NME7: variants seen among roughly 807,000 people sequenced by gnomAD.
NME7 encodes nucleoside diphosphate kinase 7.
A neutral mutation model predicts 49.1 loss-of-function variants in NME7; 41 were observed. The ratio of observed to expected loss-of-function variants is 0.83; its 90% CI spans 0.65 to 1.08. NME7 has a LOEUF of 1.08. Among genes scored for constraint, NME7 ranks in the 50% least tolerant of loss-of-function variants. NME7 has a pLI of 0.00. For missense variants in NME7, 423 were observed against 463.4 expected (o/e 0.91, Z 0.80); for synonymous variants, 139 against 150.6 (o/e 0.92, Z 0.56).
At chr1:169,344,330 G>A (rs1652882571) in intron 1 of NME7, among the ~76,000 whole-genome samples, 1 of 152,166 alleles carries the variant, frequency 6.6e-6, no homozygotes, top group South Asian at 2.1e-4. Context: ...CACATCCTCT[G>A]TGAATAAAGG....
intron 10 of NME7, among the ~76,000 whole-genome samples, chr1:169,182,736 T>C (rs1313249970): frequency 6.6e-6 from 1 of 152,190 alleles, no homozygotes; most frequent in Non-Finnish European, 1.5e-5. Flanking sequence ...TCATGAAAGA[T>C]TCATTGAATA....
intron 6 of NME7, among the ~76,000 whole-genome samples, chr1:169,288,711 C>A (rs939523946): frequency 1.3e-5 from 2 of 152,118 alleles, no homozygotes; most frequent in Non-Finnish European, 2.9e-5. Flanking sequence ...GTGTTCTATT[C>A]CTAAGATACC....
At chr1:169,230,847 A>G in intron 9 of NME7, 28 bp from the exon 10 acceptor site, 2 of 1,459,256 alleles carry the variant, frequency 1.4e-6, no homozygotes, top group Non-Finnish European at 1.9e-6. Context: ...AAAGAATGAA[A>G]AGAATTTAAC....
chr1:169,216,115 G>A (rs1660966513), intron 10 of NME7, among the ~76,000 whole-genome samples: 1 of 152,194 alleles, frequency 6.6e-6, no homozygotes, highest in Admixed American at 6.5e-5. Context: ...AAACACATTT[G>A]GTCTTAGTCC....
intron 11 of NME7, among the ~76,000 whole-genome samples, chr1:169,150,905 C>T (rs79652354): frequency 0.018 from 2,673 of 152,294 alleles, 70 homozygotes; most frequent in African/African-American, 0.057. Flanking sequence ...GCCTTTTCCC[C>T]GCTATGTTCC....
intron 11 of NME7, among the ~76,000 whole-genome samples, chr1:169,141,330 A>G (rs1557959223): frequency 6.6e-6 from 1 of 152,186 alleles, no homozygotes; most frequent in Non-Finnish European, 1.5e-5. Flanking sequence ...TGTGCCAAGG[A>G]GACAGGTAGG....
At chr1:169,169,301 C>T (rs1012006667) in intron 11 of NME7, 146 bp downstream of exon 11, 1 of 637,674 alleles carries the variant, frequency 1.6e-6, no homozygotes, top group Non-Finnish European at 2.7e-6. Flanking sequence ...CACGTGTATA[C>T]CTATGTAACA....
chr1:169,183,748 G>C (rs1571272318), intron 10 of NME7, among the ~76,000 whole-genome samples: 1 of 152,002 alleles, frequency 6.6e-6, no homozygotes, highest in Non-Finnish European at 1.5e-5. Flanking sequence ...CTTGCAGTGA[G>C]CCGAGATCAC....
At chr1:169,215,994 A>T (rs1291318816) in intron 10 of NME7, among the ~76,000 whole-genome samples, 1 of 152,216 alleles carries the variant, frequency 6.6e-6, no homozygotes, top group African/African-American at 2.4e-5. Context: ...ACTTTCAGGT[A>T]TAAGATAAAA....
intron 4 of NME7, among the ~76,000 whole-genome samples, chr1:169,305,587 A>T (rs1376492234): frequency 6.6e-6 from 1 of 152,164 alleles, no homozygotes; most frequent in East Asian, 1.9e-4. Context: ...GTTTCTCAGG[A>T]TTGTGTTTGC....
At chr1:169,366,201 GT>G (rs1653845333) in intron 1 of NME7, among the ~76,000 whole-genome samples, 1 of 152,204 alleles carries the variant, frequency 6.6e-6, no homozygotes, top group Non-Finnish European at 1.5e-5. Flanking sequence ...GGCACAGCCA[GT>G]AAAAGGAATT....
chr1:169,234,286 T>C (rs955914628), intron 9 of NME7, among the ~76,000 whole-genome samples: 3 of 152,154 alleles, frequency 2.0e-5, no homozygotes, highest in African/African-American at 7.2e-5. Flanking sequence ...GAGCATAAGC[T>C]CCATAAATGC....
chr1:169,315,421 G>C (rs531316492), intron 3 of NME7, among the ~76,000 whole-genome samples: 1 of 151,606 alleles, frequency 6.6e-6, no homozygotes, highest in Non-Finnish European at 1.5e-5. Flanking sequence ...ACGCCTCCAC[G>C]GCCGGCTAAT....
chr1:169,281,966 A>G (rs999006490), intron 7 of NME7, among the ~76,000 whole-genome samples: 1 of 152,048 alleles, frequency 6.6e-6, no homozygotes, highest in Admixed American at 6.5e-5. Context: ...GCCTCATTTT[A>G]TGAGTTAGGA....
At position 169,139,871 on chromosome 1, in the gene NME7, C is replaced by T. The variant is rs557575426; in HGVS notation, c.1099-7054G>A. Among the ~76,000 whole-genome samples, 10 of 152,254 alleles carry T rather than the reference C, an allele frequency of 6.6e-5. 1 individual carries two copies. The South Asian group carries it at 2.1e-3, about 32-fold the overall frequency. ...CTAAGATAGTAAACAGACGTGAGAA[C>T]CAAATGCAATATGTGATCCCTGACT... On this transcript the variant is annotated intron_variant, in intron 11 of 11. Coordinates refer to ENST00000367811, the MANE Select transcript of NME7 (RefSeq NM_013330.5).
chr1:169,367,679 C>A, intron 1 of NME7, 29 bp downstream of exon 1: 1 of 1,614,052 alleles, frequency 6.2e-7, no homozygotes, highest in Non-Finnish European at 8.5e-7. Flanking sequence ...GACCCCAGAG[C>A]CGTTCTTCTG....
At chr1:169,291,082 C>T (rs901353496) in intron 6 of NME7, among the ~76,000 whole-genome samples, 4 of 152,120 alleles carry the variant, frequency 2.6e-5, no homozygotes, top group Admixed American at 2.6e-4. Context: ...TTAGTTCAAC[C>T]TTTGTGGAAG....
intron 11 of NME7, among the ~76,000 whole-genome samples, chr1:169,134,493 A>AT (rs1658362327): frequency 6.6e-6 from 1 of 152,202 alleles, no homozygotes; most frequent in Non-Finnish European, 1.5e-5. Flanking sequence ...ACTACTTGGA[A>AT]TGAAAAGCAT....
In NME7 at chr1:169,284,040, G is replaced by A. The variant is rs548206429; in HGVS notation, c.754+3263C>T. 8 of 152,244 alleles carry A rather than the reference G, an allele frequency of 5.3e-5. No homozygotes were observed. In the East Asian group the frequency reaches 1.5e-3, roughly 29 times the overall value. 9.4% of individuals were successfully genotyped at this position (152,244 alleles called of 1,614,324 possible). A position where few individuals can be genotyped will look rare whatever the true frequency, so the allele number is the denominator to read the frequency against. ...TCTCCTGGATAATATCCTGAAGAGT[G>A]TTTTCCGACTTGGTCCCATTCTCCC... is the stretch of plus-strand genomic sequence containing the variant. On this transcript the variant is annotated intron_variant, in intron 7 of 11. Coordinates refer to ENST00000367811, the MANE Select transcript of NME7 (RefSeq NM_013330.5).
Sources: gnomAD v4.1 joint callset for allele counts (sites outside exome capture counted in the v4.1 genomes callset) on GRCh38, gnomAD v4.1.1 for gene constraint, MANE v1.5 for transcripts, NCBI Gene and HGNC (gene_info 2026-07-23, HGNC 2026-07-21) for gene names.